The following BOC variants were observed in gnomAD, a reference collection of about 807,000 sequenced individuals.
BOC encodes the protein brother of CDO.
In BOC, 76 loss-of-function variants were observed where a neutral mutation model predicts 112.0. The observed-to-expected ratio is 0.68, with a 90% CI of 0.56 to 0.82. BOC has a LOEUF of 0.82. Ranked by LOEUF, BOC falls within the 40% of genes least tolerant of loss-of-function variation. BOC has a pLI of 0.00. For synonymous variants in BOC, 580 were observed against 599.8 expected (o/e 0.97, Z 0.48); for missense variants, 1,309 against 1,511.7 (o/e 0.87, Z 2.22).
chr3:113,284,735 C>T (rs778363429), intron 17 of BOC, 47 bp from the exon 18 acceptor site: 4 of 1,580,130 alleles, frequency 2.5e-6, no homozygotes, highest in East Asian at 4.5e-5. Flanking sequence ...TGGAAAGTTA[C>T]CTGGACTCCC....
chr3:113,257,162 T>C (rs1038459739), intron 4 of BOC, among the ~76,000 whole-genome samples: 4 of 152,220 alleles, frequency 2.6e-5, no homozygotes, highest in African/African-American at 9.6e-5. Context: ...AGATTCTCCC[T>C]AAGTCCAGCT....
intron 4 of BOC, 40 bp downstream of exon 4, chr3:113,250,873 C>G: frequency 6.2e-7 from 1 of 1,605,072 alleles, no homozygotes; most frequent in Non-Finnish European, 8.5e-7. Context: ...GGTGCGGTCC[C>G]TCCTCATCTC....
chr3:113,213,564 G>A (rs924115905), intron 1 of BOC, among the ~76,000 whole-genome samples: 1 of 152,182 alleles, frequency 6.6e-6, no homozygotes, highest in African/African-American at 2.4e-5. Flanking sequence ...GGGCTAGGAT[G>A]CCCATACATC....
chr3:113,238,225 C>G (rs983161790), intron 2 of BOC, among the ~76,000 whole-genome samples: 1 of 152,140 alleles, frequency 6.6e-6, no homozygotes, highest in Non-Finnish European at 1.5e-5. Flanking sequence ...GAAAATGCAG[C>G]CTCCCCAGAT....
At chr3:113,215,652 C>G (rs995671479) in intron 1 of BOC, among the ~76,000 whole-genome samples, 5 of 152,200 alleles carry the variant, frequency 3.3e-5, no homozygotes, top group Admixed American at 6.5e-5. Context: ...TCCATGAGTC[C>G]TATAATCAAG....
intron 9 of BOC, among the ~76,000 whole-genome samples, chr3:113,276,875 C>T (rs1194923551): frequency 6.6e-6 from 1 of 152,154 alleles, no homozygotes; most frequent in African/African-American, 2.4e-5. Context: ...GAGAGAAGAG[C>T]TTTTCCTTAC....
chr3:113,284,963 C>A, intron 18 of BOC, 105 bp downstream of exon 18: 1 of 1,017,172 alleles, frequency 9.8e-7, no homozygotes, highest in Non-Finnish European at 1.5e-6. Context: ...TAGTGCTGTA[C>A]TCAGGGGTCC....
chr3:113,227,867 G>C (rs1369381668), intron 2 of BOC, among the ~76,000 whole-genome samples: 1 of 151,878 alleles, frequency 6.6e-6, no homozygotes, highest in Non-Finnish European at 1.5e-5. Flanking sequence ...ACAAGTGTTT[G>C]GGTTTTTTTT....
At chr3:113,268,250 CA>C in intron 4 of BOC, 48 bp from the exon 5 acceptor site, 1 of 1,607,974 alleles carries the variant, frequency 6.2e-7, no homozygotes, top group South Asian at 1.1e-5. Context: ...TGAAATGTCA[CA>C]CTTTTGCTCT....
chr3:113,285,489 T>C lies in BOC; in HGVS notation c.3084T>C (p.Ala1028=). The C allele has an allele frequency of 3.7e-6, 6 of 1,614,038 alleles. No homozygotes were observed. The highest frequency in any genetic ancestry group is 5.1e-6 in the Non-Finnish European group (6 of 1,179,964). The change falls in exon 19 of 20, where the codon GCT becomes GCC. Residue 1028 remains alanine, a synonymous_variant. Transcript: ENST00000682979. ...DCCQRQEQPA[A]VGQSGVRRAP... ...GCCAACGCCAGGAGCAGCCTGCTGCTGTGGGCCAGTCAGGGGTGAGGAGAG... is the reference window on the plus strand; with the variant it reads ...GCCAACGCCAGGAGCAGCCTGCTGCCGTGGGCCAGTCAGGGGTGAGGAGAG...
chr3:113,286,233 T>A (rs9840485), intron 19 of BOC, among the ~76,000 whole-genome samples: 1 of 152,096 alleles, frequency 6.6e-6, no homozygotes, highest in Non-Finnish European at 1.5e-5. Context: ...GAGATTAAAT[T>A]TAAAAGATGC....
rs1485234882 is a variant in BOC at position 113,279,475 on chromosome 3, G to A, written c.2023+20G>A. The A allele has an allele frequency of 5.0e-6, 8 of 1,609,420 alleles. No homozygotes were observed. Among genetic ancestry groups the A allele is most frequent in the South Asian group, 3.3e-5 (3 of 90,920 alleles). On this transcript the variant is annotated intron_variant, in intron 12 of 19. Transcript: ENST00000682979. ...AGAAAGGTAGGGGCCTGGCCACACC[G>A]TGGCCTTGGCCTGATCCCCCAGCTG...
intron 2 of BOC, among the ~76,000 whole-genome samples, chr3:113,232,590 T>C (rs1023551442): frequency 8.0e-5 from 12 of 149,500 alleles, no homozygotes; most frequent in Non-Finnish European, 1.3e-4. Context: ...TGTGTGTGTG[T>C]GCACACGTGC....
chr3:113,252,211 CG>C (rs1945720259), intron 4 of BOC, among the ~76,000 whole-genome samples: 2 of 152,162 alleles, frequency 1.3e-5, no homozygotes, highest in Non-Finnish European at 2.9e-5. Flanking sequence ...CCTTTCCTGG[CG>C]CCTGAGGTGT....
At chr3:113,221,859 T>TC (rs1382984250) in intron 2 of BOC, among the ~76,000 whole-genome samples, 1 of 152,064 alleles carries the variant, frequency 6.6e-6, no homozygotes, top group Non-Finnish European at 1.5e-5. Flanking sequence ...CCTCACCCCT[T>TC]CCCTCTGAGG....
chr3:113,229,264 G>A (rs1353474871), intron 2 of BOC, among the ~76,000 whole-genome samples: 1 of 152,196 alleles, frequency 6.6e-6, no homozygotes, highest in Non-Finnish European at 1.5e-5. Flanking sequence ...GAGGATGTTG[G>A]GACCCTTGGA....
At chr3:113,261,489 C>T (rs553805658) in intron 4 of BOC, among the ~76,000 whole-genome samples, 1 of 152,238 alleles carries the variant, frequency 6.6e-6, no homozygotes, top group African/African-American at 2.4e-5. Flanking sequence ...TCAGAGCGGC[C>T]CTGAAGTCGG....
In BOC at chr3:113,274,398, G is replaced by C; in HGVS notation, c.1258G>C (p.Asp420His). ...RPSITPRLWQ[D>H]AELATGTPPV... ...AGGCATAACCCCAAGGCTATGGCAG[G>C]ATGCTGAGCTGGCTACTGGCACACC... is the stretch of plus-strand genomic sequence containing the variant. The change falls in exon 9 of 20, where the codon GAT (aspartate) becomes CAT (histidine). Residue 420 changes from aspartate (D) to histidine (H), a missense_variant. By Grantham distance (81) the Asp-to-His change is moderately conservative (BLOSUM62 -1). Transcript: ENST00000682979. The surrounding 1 kb of genome is among the most constrained non-coding windows in gnomAD (Gnocchi z 4.8). The C allele has an allele frequency of 3.8e-6, 6 of 1,558,954 alleles. No homozygotes were observed. The highest frequency in any genetic ancestry group is 5.2e-6 in the Non-Finnish European group (6 of 1,148,046).
At chr3:113,215,594 G>A (rs1306338143) in intron 1 of BOC, among the ~76,000 whole-genome samples, 1 of 152,074 alleles carries the variant, frequency 6.6e-6, no homozygotes, top group East Asian at 1.9e-4. Context: ...ATTGTTGCTG[G>A]CACGTGGCTG....
Sources: gnomAD v4.1 joint callset for allele counts (sites outside exome capture counted in the v4.1 genomes callset) on GRCh38, gnomAD v4.1.1 for gene constraint, Gnocchi (gnomAD v3.1) non-coding constraint, MANE v1.5 for transcripts, NCBI Gene and HGNC (gene_info 2026-07-23, HGNC 2026-07-21) for gene names.